ADGRL3: variants seen among roughly 807,000 people sequenced by gnomAD.
The protein encoded by ADGRL3 is adhesion G protein-coupled receptor L3, also known as calcium-independent alpha-latrotoxin receptor 3.
A neutral mutation model predicts 153.5 loss-of-function variants in ADGRL3; 62 were observed. The ratio of observed to expected loss-of-function variants is 0.40; its 90% CI spans 0.33 to 0.50. The LOEUF is 0.50. Ranked by LOEUF, ADGRL3 falls within the 20% of genes least tolerant of loss-of-function variation. ADGRL3 has a pLI of 0.47. For synonymous variants in ADGRL3, 710 were observed against 672.5 expected (o/e 1.06, Z -0.86); for missense variants, 1,641 against 1,859.4 (o/e 0.88, Z 2.16).
chr4:61,309,299 G>T (rs537173582), intron 1 of ADGRL3, among the ~76,000 whole-genome samples: 11 of 152,166 alleles, frequency 7.2e-5, no homozygotes, highest in Admixed American at 2.0e-4. Context: ...TTCTCCCCCT[G>T]TTATACAATG....
rs1166970099 is a variant in ADGRL3, at chr4:61,831,411, T to TAAAA, written c.1480+17551_1480+17554dup. Among the ~76,000 whole-genome samples, 100 of 37,268 alleles carry TAAAA rather than the reference T, an allele frequency of 2.7e-3. 4 individuals are homozygous for TAAAA. The highest frequency in any genetic ancestry group is 6.0e-3 in the African/African-American group (56 of 9,280). The allele number at this position is 37,268 out of a possible 152,430, so 24.4% of individuals were successfully genotyped here. ...GATGAAGAAAGGAAAAGATGCTAAG[T>TAAAA]AAAAAAAAAAAAAAAAAAAAAAAAA... On this transcript the variant is annotated intron_variant, in intron 9 of 26. Transcript: ENST00000683033.
At chr4:61,836,672 G>T (rs948082404) in intron 9 of ADGRL3, among the ~76,000 whole-genome samples, 1 of 151,800 alleles carries the variant, frequency 6.6e-6, no homozygotes, top group Non-Finnish European at 1.5e-5. Flanking sequence ...GAATACTTAT[G>T]GTACCTATTA....
At chr4:62,017,318 T>C (rs1318743274) in intron 21 of ADGRL3, among the ~76,000 whole-genome samples, 2 of 151,970 alleles carry the variant, frequency 1.3e-5, no homozygotes, top group Non-Finnish European at 2.9e-5. Context: ...ATGAATTTTT[T>C]TTTAAAAAAT....
chr4:61,645,641 C>G (rs1054109721), intron 5 of ADGRL3, among the ~76,000 whole-genome samples: 6 of 152,202 alleles, frequency 3.9e-5, no homozygotes, highest in East Asian at 3.9e-4. Context: ...TGTAGAGTTT[C>G]TGCCGAGAGA....
At chr4:61,964,709 A>G (rs1360715359) in intron 17 of ADGRL3, among the ~76,000 whole-genome samples, 5 of 152,040 alleles carry the variant, frequency 3.3e-5, no homozygotes, top group African/African-American at 9.7e-5. Flanking sequence ...TTTCTTCTTC[A>G]TTAGTGAAAT....
intron 1 of ADGRL3, among the ~76,000 whole-genome samples, chr4:61,254,861 A>AT (rs1471901432): frequency 6.6e-6 from 1 of 151,488 alleles, no homozygotes. Flanking sequence ...AACCTTTTAC[A>AT]TTTTTTCCAG....
At chr4:61,425,181 C>T (rs2097261451) in intron 2 of ADGRL3, 1 of 152,276 alleles carries the variant, frequency 6.6e-6, no homozygotes, top group Non-Finnish European at 1.5e-5. Context: ...TTGCTGTATA[C>T]ATCGTGGTAC....
intron 22 of ADGRL3, among the ~76,000 whole-genome samples, chr4:62,030,857 C>A (rs910526940): frequency 6.6e-6 from 1 of 151,452 alleles, no homozygotes; most frequent in African/African-American, 2.4e-5. Flanking sequence ...CTACTTTTTC[C>A]ATCTACTATC....
At chr4:61,474,220 T>C (rs1217910150) in intron 2 of ADGRL3, among the ~76,000 whole-genome samples, 4 of 152,190 alleles carry the variant, frequency 2.6e-5, no homozygotes, top group Non-Finnish European at 5.9e-5. Flanking sequence ...ATATTCAGAA[T>C]GCAGTCTTGG....
chr4:61,360,600 C>G (rs1005307117), intron 1 of ADGRL3, among the ~76,000 whole-genome samples: 1 of 152,084 alleles, frequency 6.6e-6, no homozygotes, highest in Admixed American at 6.6e-5. Flanking sequence ...AATAAAACTT[C>G]TTTCCTGGAA....
At chr4:61,655,177 G>T (rs1484215987) in intron 5 of ADGRL3, among the ~76,000 whole-genome samples, 3 of 152,000 alleles carry the variant, frequency 2.0e-5, no homozygotes, top group Non-Finnish European at 4.4e-5. Context: ...TATCAAGTAT[G>T]GGTACAATTA....
At chr4:61,287,369 C>T (rs1578127174) in intron 1 of ADGRL3, among the ~76,000 whole-genome samples, 1 of 151,890 alleles carries the variant, frequency 6.6e-6, no homozygotes, top group South Asian at 2.1e-4. Flanking sequence ...AACATATCGA[C>T]ATTTCCATTT....
chr4:61,756,099 G>A (rs1265469689), intron 8 of ADGRL3, among the ~76,000 whole-genome samples: 2 of 152,174 alleles, frequency 1.3e-5, no homozygotes, highest in Admixed American at 6.5e-5. Context: ...ACTTGGCAAT[G>A]CGGGCTCTTT....
At chr4:61,911,596 G>T (rs988835197) in intron 12 of ADGRL3, among the ~76,000 whole-genome samples, 5 of 152,084 alleles carry the variant, frequency 3.3e-5, no homozygotes, top group Admixed American at 6.6e-5. Flanking sequence ...ATCGTGCTCT[G>T]TATTGAAATT....
intron 5 of ADGRL3, among the ~76,000 whole-genome samples, chr4:61,630,679 T>C (rs192625470): frequency 6.6e-6 from 1 of 152,370 alleles, no homozygotes; most frequent in Admixed American, 6.5e-5. Context: ...CAGCTACAGC[T>C]GGCTAGCCAG....
At chr4:61,661,326 GATAAAATGATCACTT>G (rs2094587145) in intron 5 of ADGRL3, among the ~76,000 whole-genome samples, 1 of 151,924 alleles carries the variant, frequency 6.6e-6, no homozygotes, top group Non-Finnish European at 1.5e-5. Flanking sequence ...AAATAGTAAA[GATAAAATGATCACTT>G]TCAATTATTG....
intron 8 of ADGRL3, among the ~76,000 whole-genome samples, chr4:61,754,202 A>C (rs1225362928): frequency 6.6e-6 from 1 of 152,202 alleles, no homozygotes; most frequent in East Asian, 1.9e-4. Flanking sequence ...TTCCAGTCAA[A>C]GGCTTAGCAA....
intron 1 of ADGRL3, among the ~76,000 whole-genome samples, chr4:61,319,832 A>G (rs1047741361): frequency 4.6e-5 from 7 of 152,206 alleles, no homozygotes; most frequent in South Asian, 2.1e-4. Context: ...TACATTTTAC[A>G]TATAAAATCT....
chr4:62,040,894 A>G (rs2151631167), intron 24 of ADGRL3, among the ~76,000 whole-genome samples: 1 of 152,196 alleles, frequency 6.6e-6, no homozygotes. Flanking sequence ...TTCTAAATGA[A>G]AGGAGAAAAG....
Sources: gnomAD v4.1 joint callset for allele counts (sites outside exome capture counted in the v4.1 genomes callset) on GRCh38, gnomAD v4.1.1 for gene constraint, MANE v1.5 for transcripts, NCBI Gene and HGNC (gene_info 2026-07-23, HGNC 2026-07-21) for gene names.